The following NCAM2 variants were observed in gnomAD, a reference collection of about 807,000 sequenced individuals.
NCAM2 encodes N-CAM-2.
NCAM2 carries 30 observed loss-of-function variants against 98.1 expected under a neutral mutation model. That is an observed-to-expected ratio of 0.31 (90% CI 0.23 to 0.41). The LOEUF is 0.41. Among genes scored for constraint, NCAM2 ranks in the 10% least tolerant of loss-of-function variants. NCAM2 has a pLI of 1.00. For missense variants in NCAM2, 867 were observed against 1,005.8 expected (o/e 0.86, Z 1.87); for synonymous variants, 368 against 342.4 (o/e 1.07, Z -0.83).
At chr21:21,128,326 C>T (rs1187566438) in intron 1 of NCAM2, among the ~76,000 whole-genome samples, 1 of 151,848 alleles carries the variant, frequency 6.6e-6, no homozygotes, top group Admixed American at 6.6e-5. Context: ...GGATGCATGC[C>T]TGGTATTCAC....
intron 13 of NCAM2, among the ~76,000 whole-genome samples, chr21:21,468,402 C>T (rs1983998867): frequency 6.6e-6 from 1 of 151,934 alleles, no homozygotes; most frequent in African/African-American, 2.4e-5. Context: ...ATACTTTTCT[C>T]AGAGCATTTG....
At chr21:21,390,627 A>G (rs532376429) in intron 9 of NCAM2, among the ~76,000 whole-genome samples, 1 of 152,200 alleles carries the variant, frequency 6.6e-6, no homozygotes, top group African/African-American at 2.4e-5. Flanking sequence ...CATATTCAGT[A>G]TATATTAATT....
At chr21:21,272,497 T>TGCGCGCGCGCGCGC (rs201869091) in intron 1 of NCAM2, among the ~76,000 whole-genome samples, 1 of 145,450 alleles carries the variant, frequency 6.9e-6, no homozygotes, top group Non-Finnish European at 1.5e-5. Flanking sequence ...TACACACACA[T>TGCGCGCGCGCGCGC]GCGCGCGCGC....
intron 12 of NCAM2, among the ~76,000 whole-genome samples, chr21:21,436,904 G>A (rs1223624072): frequency 1.3e-5 from 2 of 151,396 alleles, no homozygotes; most frequent in East Asian, 3.9e-4. Flanking sequence ...TGAGATTACA[G>A]GTGTGCACCA....
intron 1 of NCAM2, among the ~76,000 whole-genome samples, chr21:21,054,077 C>T (rs1321580366): frequency 6.6e-6 from 1 of 151,716 alleles, no homozygotes; most frequent in Non-Finnish European, 1.5e-5. Context: ...TTGACATTTT[C>T]ATTGGTTTGA....
At chr21:21,371,460 A>G (rs2075912920) in intron 8 of NCAM2, among the ~76,000 whole-genome samples, 1 of 151,762 alleles carries the variant, frequency 6.6e-6, no homozygotes, top group African/African-American at 2.4e-5. Context: ...GTGTATCTGC[A>G]TTGATCTTGC....
rs1190438684 is a variant in NCAM2, at chr21:21,410,440, A to G, written c.1362A>G (p.Thr454=). The stretch of plus-strand genomic sequence containing the variant: ...CGACCAATTTAAAGACTTATAGTAC[A>G]GGAAGAAAGATGATATTAGAGGTAA... The part of the protein sequence containing the change: ...KNTTNLKTYS[T]GRKMILEIAP... The change falls in exon 10 of 18, where the codon ACA becomes ACG. Residue 454 remains threonine, a synonymous_variant. Coordinates refer to ENST00000400546, the MANE Select transcript of NCAM2 (RefSeq NM_004540.5). 6.4e-7 allele frequency: 1 copy of G among 1,561,266 alleles called. No homozygotes were observed. Among genetic ancestry groups the G allele is most frequent in the East Asian group, 2.3e-5 (1 of 42,962 alleles).
At chr21:21,331,934 GC>G (rs896595305) in intron 6 of NCAM2, among the ~76,000 whole-genome samples, 2 of 150,302 alleles carry the variant, frequency 1.3e-5, no homozygotes, top group Admixed American at 1.3e-4. Context: ...ACAAAGTCTA[GC>G]CCTGTCGTCC....
At chr21:21,067,935 A>G (rs1286502432) in intron 1 of NCAM2, among the ~76,000 whole-genome samples, 2 of 152,080 alleles carry the variant, frequency 1.3e-5, no homozygotes. Context: ...GATACATTAA[A>G]AAAACTGAAT....
At chr21:21,175,613 C>A (rs1314447569) in intron 1 of NCAM2, among the ~76,000 whole-genome samples, 1 of 152,094 alleles carries the variant, frequency 6.6e-6, no homozygotes, top group African/African-American at 2.4e-5. Flanking sequence ...TTAAGGTTTG[C>A]TTTGGAATTA....
At chr21:21,312,922 GT>G (rs1171003364) in intron 5 of NCAM2, among the ~76,000 whole-genome samples, 2 of 151,512 alleles carry the variant, frequency 1.3e-5, no homozygotes, top group Non-Finnish European at 3.0e-5. Flanking sequence ...TTATAGGATT[GT>G]TTTTGTTATA....
At chr21:21,524,017 C>T (rs374246481) in intron 16 of NCAM2, among the ~76,000 whole-genome samples, 28 of 147,360 alleles carry the variant, frequency 1.9e-4, no homozygotes, top group Admixed American at 9.7e-4. Context: ...TAAAAAAAAA[C>T]GAGACCCAAC....
At chr21:21,304,982 A>G (rs916475404) in intron 5 of NCAM2, among the ~76,000 whole-genome samples, 3 of 152,186 alleles carry the variant, frequency 2.0e-5, no homozygotes, top group Non-Finnish European at 4.4e-5. Flanking sequence ...ATAGTAGTTC[A>G]TAATTAGCTT....
intron 1 of NCAM2, among the ~76,000 whole-genome samples, chr21:21,094,827 A>G (rs1164095283): frequency 6.6e-6 from 1 of 151,802 alleles, no homozygotes; most frequent in East Asian, 1.9e-4. Context: ...ATTTAAGAAA[A>G]TTTGAATTAA....
At chr21:21,480,112 A>G (rs987022233) in intron 15 of NCAM2, among the ~76,000 whole-genome samples, 1 of 152,054 alleles carries the variant, frequency 6.6e-6, no homozygotes, top group East Asian at 1.9e-4. Context: ...CACGCCAGCA[A>G]TCCCAGCACT....
intron 1 of NCAM2, among the ~76,000 whole-genome samples, chr21:21,225,508 A>G (rs1321727632): frequency 6.6e-6 from 1 of 152,138 alleles, no homozygotes. Flanking sequence ...AGCTCACATC[A>G]TGAATTAATG....
At chr21:21,003,867 C>T (rs1013388074) in intron 1 of NCAM2, among the ~76,000 whole-genome samples, 1 of 152,072 alleles carries the variant, frequency 6.6e-6, no homozygotes, top group African/African-American at 2.4e-5. Context: ...AAGAACAACT[C>T]CAGGGGGCGT....
At chr21:21,184,004 A>T (rs899285745) in intron 1 of NCAM2, among the ~76,000 whole-genome samples, 1 of 152,254 alleles carries the variant, frequency 6.6e-6, no homozygotes. Context: ...AATTTACCAG[A>T]ATGTTTATTA....
At chr21:21,031,281 A>G (rs567401085) in intron 1 of NCAM2, among the ~76,000 whole-genome samples, 32 of 152,326 alleles carry the variant, frequency 2.1e-4, no homozygotes, top group African/African-American at 7.0e-4. Context: ...ACCTGCTCTA[A>G]TATTTGTAAA....
Sources: gnomAD v4.1 joint callset for allele counts (sites outside exome capture counted in the v4.1 genomes callset) on GRCh38, gnomAD v4.1.1 for gene constraint, MANE v1.5 for transcripts, NCBI Gene and HGNC (gene_info 2026-07-23, HGNC 2026-07-21) for gene names.